The following MLANA variants were observed in gnomAD, a reference collection of about 807,000 sequenced individuals.
MLANA encodes melanoma antigen recognized by T-cells 1.
MLANA carries 21 observed loss-of-function variants against 15.7 expected under a neutral mutation model. The ratio of observed to expected loss-of-function variants is 1.33; its 90% CI spans 0.95 to 1.92. MLANA has a LOEUF of 1.92. Among genes scored for constraint, MLANA ranks in the 40% most tolerant of loss-of-function variants. MLANA has a pLI of 0.00. For missense variants in MLANA, 164 were observed against 143.8 expected (o/e 1.14, Z -0.72); for synonymous variants, 56 against 51.5 (o/e 1.09, Z -0.37).
intron 3 of MLANA, among the ~76,000 whole-genome samples, chr9:5,902,686 T>G (rs1258256423): frequency 6.6e-6 from 1 of 151,912 alleles, no homozygotes; most frequent in Non-Finnish European, 1.5e-5. Flanking sequence ...TTTTTTTAAT[T>G]TGTAGAGACA....
chr9:5,897,469 C>A, intron 2 of MLANA, 88 bp from the exon 3 acceptor site: 1 of 1,245,118 alleles, frequency 8.0e-7, no homozygotes, highest in Non-Finnish European at 1.2e-6. Context: ...CGTCAAAGTC[C>A]ATATGAAGAG....
At chr9:5,908,254 A>G (rs916219682) in intron 4 of MLANA, among the ~76,000 whole-genome samples, 8 of 152,222 alleles carry the variant, frequency 5.3e-5, no homozygotes, top group African/African-American at 1.9e-4. Context: ...CTCTTGTTTT[A>G]TATTTGGTAG....
intron 3 of MLANA, among the ~76,000 whole-genome samples, chr9:5,898,513 T>G (rs1832193093): frequency 6.6e-6 from 1 of 152,184 alleles, no homozygotes; most frequent in Non-Finnish European, 1.5e-5. Flanking sequence ...TACACGAATT[T>G]TGGGGGACAC....
intron 4 of MLANA, 123 bp from the exon 5 acceptor site, chr9:5,908,517 G>T: frequency 3.6e-6 from 3 of 836,054 alleles, no homozygotes; most frequent in African/African-American, 1.7e-5. Flanking sequence ...AAATTATATG[G>T]GAACACTTAG....
chr9:5,898,811 C>T (rs1332410269), intron 3 of MLANA: 1 of 152,170 alleles, frequency 6.6e-6, no homozygotes, highest in Non-Finnish European at 1.5e-5. Context: ...ACTAAGCATC[C>T]CAGGATATCA....
rs992840182 is a variant in MLANA at position 5,909,114 on chromosome 9, C to T, written c.*406C>T. 8 of 226,998 alleles carry T rather than the reference C, an allele frequency of 3.5e-5. No homozygotes were observed. The highest frequency in any genetic ancestry group is 1.6e-4 in the African/African-American group (7 of 42,888). The allele number at this position is 226,998 out of a possible 1,614,324, so 14.1% of individuals were successfully genotyped here. ...ACATGAACTGTACACAGAATTGTTC[C>T]AGTACTATGGAGTGCTCACAAAGGA... On this transcript the variant is annotated 3_prime_UTR_variant, in exon 5 of 5. Transcript: ENST00000381477.
Position 5,908,918 on chromosome 9 carries a change from A to G in MLANA, c.*210A>G, listed in dbSNP as rs949238034. The G allele has an allele frequency of 5.5e-6, 3 of 550,086 alleles. No individual in the cohort carries two copies. The East Asian group carries it at 9.1e-5, about 17-fold the overall frequency. 34.1% of individuals were successfully genotyped at this position (550,086 alleles called of 1,614,324 possible). On this transcript the variant is annotated 3_prime_UTR_variant, in exon 5 of 5. Coordinates refer to ENST00000381477, the MANE Select transcript of MLANA (RefSeq NM_005511.2). ...AGAAATATTAAATTGGGAAAACTCC[A>G]TCAATAAATGTTGCAATGCATGATA...
At chr9:5,901,338 T>C (rs1048772483) in intron 3 of MLANA, among the ~76,000 whole-genome samples, 1 of 152,168 alleles carries the variant, frequency 6.6e-6, no homozygotes, top group Non-Finnish European at 1.5e-5. Context: ...ATGTTAACTG[T>C]TGATTTTTTG....
At position 5,908,990 on chromosome 9, in the gene MLANA, T is replaced by C. The variant is rs1832995566; in HGVS notation, c.*282T>C. ...TTAGTAAATCCATGGTGTTATTTTCTGAGAGACAGAATTCAAGTGGGTATT... is the reference window on the plus strand; with the variant it reads ...TTAGTAAATCCATGGTGTTATTTTCCGAGAGACAGAATTCAAGTGGGTATT... On this transcript the variant is annotated 3_prime_UTR_variant, in exon 5 of 5. Coordinates refer to ENST00000381477, the MANE Select transcript of MLANA (RefSeq NM_005511.2). The C allele has an allele frequency of 2.6e-6, 1 of 385,838 alleles. No individual in the cohort carries two copies. Among genetic ancestry groups the C allele is most frequent in the Non-Finnish European group, 4.7e-6 (1 of 213,292 alleles). 23.9% of individuals were successfully genotyped at this position (385,838 alleles called of 1,614,324 possible). A position where few individuals can be genotyped will look rare whatever the true frequency, so the allele number is the denominator to read the frequency against.
rs960133657 is a variant in MLANA, at chr9:5,897,730, G to A, written c.174+77G>A. ...CAGTTCTTTCCTCTGAATCTCTGGA[G>A]AGTCAGATAATTGCCTCATTATAAC... is the stretch of plus-strand genomic sequence containing the variant. On this transcript the variant is annotated intron_variant, in intron 3 of 4. Transcript: ENST00000381477. The A allele has an allele frequency of 1.2e-5, 15 of 1,248,710 alleles. No homozygotes were observed. In the South Asian group the frequency reaches 1.8e-4, roughly 15 times the overall value. The allele number at this position is 1,248,710 out of a possible 1,614,324, so 77.4% of individuals were successfully genotyped here.
chr9:5,902,465 T>TTTCC (rs1465869028), intron 3 of MLANA, among the ~76,000 whole-genome samples: 1 of 151,594 alleles, frequency 6.6e-6, no homozygotes, highest in Non-Finnish European at 1.5e-5. Flanking sequence ...TCTTTCTTTC[T>TTTCC]TTCCTTTTTT....
At chr9:5,900,103 T>C (rs753026861) in intron 3 of MLANA, among the ~76,000 whole-genome samples, 1 of 152,244 alleles carries the variant, frequency 6.6e-6, no homozygotes, top group Non-Finnish European at 1.5e-5. Flanking sequence ...TTCCTAACTA[T>C]AATTATTAGT....
chr9:5,903,985 G>A (rs887007035), intron 3 of MLANA, among the ~76,000 whole-genome samples: 2 of 151,964 alleles, frequency 1.3e-5, no homozygotes, highest in Non-Finnish European at 2.9e-5. Context: ...AGCCTCCCAA[G>A]TAGCTGGTAT....
intron 3 of MLANA, among the ~76,000 whole-genome samples, chr9:5,905,681 C>T (rs1198839904): frequency 6.6e-6 from 1 of 152,176 alleles, no homozygotes; most frequent in East Asian, 1.9e-4. Context: ...ACCTAAAACC[C>T]ACCTGTGACT....
At chr9:5,907,291 T>C (rs1832878264) in intron 4 of MLANA, 1 of 199,550 alleles carries the variant, frequency 5.0e-6, no homozygotes, top group Non-Finnish European at 1.0e-5. Flanking sequence ...AAAGGAAGAA[T>C]TTAGTCCTGG....
At chr9:5,899,494 T>C (rs575365939) in intron 3 of MLANA, among the ~76,000 whole-genome samples, 21 of 152,262 alleles carry the variant, frequency 1.4e-4, no homozygotes, top group Admixed American at 3.9e-4. Flanking sequence ...TCTAGTGTGC[T>C]GACATCTAGT....
rs758394222 is a variant in MLANA at position 5,908,723 on chromosome 9, C to G, written c.*15C>G. ...ATTCACCTTAAGAGCCAGCGAGACA[C>G]CTGAGACATGCTGAAATTATTTCTC... On this transcript the variant is annotated 3_prime_UTR_variant, in exon 5 of 5. Coordinates refer to ENST00000381477, the MANE Select transcript of MLANA (RefSeq NM_005511.2). 6.2e-7 allele frequency: 1 copy of G among 1,606,716 alleles called. No individual in the cohort carries two copies. The highest frequency in any genetic ancestry group is 8.5e-7 in the Non-Finnish European group (1 of 1,173,426).
chr9:5,902,262 T>C (rs1832481630), intron 3 of MLANA, among the ~76,000 whole-genome samples: 1 of 152,204 alleles, frequency 6.6e-6, no homozygotes, highest in Non-Finnish European at 1.5e-5. Flanking sequence ...AATTGTTACA[T>C]TCACCTAGGT....
chr9:5,908,821 A>C lies in MLANA; in HGVS notation c.*113A>C, dbSNP rs1832983699. 1 of 955,612 alleles carries C rather than the reference A, an allele frequency of 1.0e-6. No homozygotes were observed. The highest frequency in any genetic ancestry group is 1.6e-5 in the African/African-American group (1 of 61,148). 59.2% of individuals were successfully genotyped at this position (955,612 alleles called of 1,614,324 possible). A position where few individuals can be genotyped will look rare whatever the true frequency, so the allele number is the denominator to read the frequency against. ...GAATGGTGTAGGAAAAATGCAAGCC[A>C]TCTCTAATAATAAGTCAGTGTTAAA... On this transcript the variant is annotated 3_prime_UTR_variant, in exon 5 of 5. Transcript: ENST00000381477.
Sources: allele counts gnomAD v4.1 joint callset (sites outside exome capture counted in the v4.1 genomes callset), GRCh38; gene constraint gnomAD v4.1.1; transcripts MANE v1.5; gene names NCBI Gene and HGNC (gene_info 2026-07-23, HGNC 2026-07-21).